RAB19: variants seen among roughly 807,000 people sequenced by gnomAD.
RAB19 encodes ras-related protein Rab-19.
A neutral mutation model predicts 17.3 loss-of-function variants in RAB19; 21 were observed. The observed-to-expected ratio is 1.21, with a 90% CI of 0.86 to 1.74. The LOEUF (loss-of-function observed/expected upper bound fraction) is 1.74. Among genes scored for constraint, RAB19 ranks in the 40% most tolerant of loss-of-function variants. The pLI, the probability that RAB19 is intolerant of heterozygous loss-of-function variation, is 0.00. For missense variants in RAB19, 277 were observed against 286.8 expected (o/e 0.97, Z 0.25); for synonymous variants, 126 against 110.4 (o/e 1.14, Z -0.88).
intron 3 of RAB19, among the ~76,000 whole-genome samples, chr7:140,412,503 G>A (rs1454087175): frequency 2.0e-5 from 3 of 151,666 alleles, no homozygotes; most frequent in African/African-American, 7.3e-5. Context: ...GTGCCTTTAA[G>A]CTGGATGCCA....
intron 3 of RAB19, among the ~76,000 whole-genome samples, chr7:140,424,617 CTCTATA>C (rs1404075029): frequency 4.1e-3 from 302 of 73,066 alleles, no homozygotes; most frequent in African/African-American, 6.3e-3. Flanking sequence ...CTCTCTCTCT[CTCTATA>C]TATATATATA....
At chr7:140,412,427 G>A (rs1050970214) in intron 3 of RAB19, among the ~76,000 whole-genome samples, 5 of 152,076 alleles carry the variant, frequency 3.3e-5, no homozygotes, top group Non-Finnish European at 5.9e-5. Flanking sequence ...ACTCCAGCCC[G>A]GGTGACAGAG....
At chr7:140,422,878 C>T (rs1827181982) in intron 3 of RAB19, among the ~76,000 whole-genome samples, 1 of 152,082 alleles carries the variant, frequency 6.6e-6, no homozygotes, top group African/African-American at 2.4e-5. Flanking sequence ...GAGGCCAAGG[C>T]GGGTGGATCA....
At chr7:140,421,827 T>G (rs1799567649) in intron 3 of RAB19, among the ~76,000 whole-genome samples, 1 of 152,206 alleles carries the variant, frequency 6.6e-6, no homozygotes, top group African/African-American at 2.4e-5. Context: ...TGTATTGTGA[T>G]GAACAGACAC....
chr7:140,419,996 T>C (rs1425016023), intron 3 of RAB19, among the ~76,000 whole-genome samples: 1 of 152,206 alleles, frequency 6.6e-6, no homozygotes, highest in Admixed American at 6.6e-5. Flanking sequence ...TTCTTGTCAA[T>C]TCCTAACAGT....
At chr7:140,407,880 CTTTTTTTTTTTTTTTTT>C in intron 2 of RAB19, 33 bp downstream of exon 2, 1 of 637,324 alleles carries the variant, frequency 1.6e-6, no homozygotes, top group Admixed American at 3.5e-5. Flanking sequence ...CTGGTTCCAC[CTTTTTTTTTTTTTTTTT>C]TTTTTTTTTC....
At chr7:140,414,338 G>C (rs912605385) in intron 3 of RAB19, among the ~76,000 whole-genome samples, 1 of 151,940 alleles carries the variant, frequency 6.6e-6, no homozygotes, top group Non-Finnish European at 1.5e-5. Flanking sequence ...CACCACCCCC[G>C]GCCCCTCTGT....
chr7:140,407,684 AC>A lies in RAB19; in HGVS notation c.39del (p.Phe14LeufsTer53). 6.2e-7 allele frequency: 1 copy of A among 1,614,062 alleles called. No homozygotes were observed. Among genetic ancestry groups the A allele is most frequent in the South Asian group, 1.1e-5 (1 of 91,070 alleles). ...FSSSARAADE[N>X]FDYLFKIILI... Reference sequence around the variant, plus strand: ...AGCTCAGCCAGGGCAGCAGATGAGAACTTTGACTATTTGTTCAAGATTATCC... The same window carrying A: ...AGCTCAGCCAGGGCAGCAGATGAGAATTTGACTATTTGTTCAAGATTATCC... On this transcript the variant is annotated frameshift_variant, in exon 2 of 4. Transcript: ENST00000537763. LOFTEE classifies it high-confidence loss of function.
Position 140,426,789 on chromosome 7 carries a change from C to G in RAB19, c.*639C>G, listed in dbSNP as rs1340240486. Among the ~76,000 whole-genome samples, 1 of 151,316 alleles carries G rather than the reference C, an allele frequency of 6.6e-6. No homozygotes were observed. Among genetic ancestry groups the G allele is most frequent in the East Asian group, 1.9e-4 (1 of 5,154 alleles). ...ATTCACTCTATTCTAGCAGGGCTGACTTGGCCACCCTCTTGGGATAGGGGA... is the reference window on the plus strand; with the variant it reads ...ATTCACTCTATTCTAGCAGGGCTGAGTTGGCCACCCTCTTGGGATAGGGGA... On this transcript the variant is annotated 3_prime_UTR_variant, in exon 4 of 4. Coordinates refer to ENST00000537763, the MANE Select transcript of RAB19 (RefSeq NM_001008749.3).
chr7:140,411,954 C>A lies in RAB19; in HGVS notation c.282C>A (p.Ile94=), dbSNP rs762870899. The A allele has an allele frequency of 6.2e-7, 1 of 1,614,238 alleles. No individual in the cohort carries two copies. The highest frequency in any genetic ancestry group is 2.2e-5 in the East Asian group (1 of 44,884). Residue 94 remains isoleucine, a synonymous_variant, in exon 3 of 4, where the codon ATC becomes ATA. Coordinates refer to ENST00000537763, the MANE Select transcript of RAB19 (RefSeq NM_001008749.3). The part of the protein sequence containing the change: ...QSYYRSAHAA[I]IAYDLTRRST... Reference sequence around the variant, plus strand: ...ACTACCGCAGTGCCCACGCAGCCATCATCGCCTATGACCTCACCCGGCGGT... The same window carrying A: ...ACTACCGCAGTGCCCACGCAGCCATAATCGCCTATGACCTCACCCGGCGGT...
intron 3 of RAB19, among the ~76,000 whole-genome samples, chr7:140,423,556 A>C (rs2130163192): frequency 6.6e-6 from 1 of 152,354 alleles, no homozygotes; most frequent in South Asian, 2.1e-4. Context: ...ACTTGAATGG[A>C]TCTCAGAGGA....
intron 1 of RAB19, among the ~76,000 whole-genome samples, chr7:140,406,315 CAGTT>C (rs1331963058): frequency 2.0e-5 from 3 of 147,482 alleles, no homozygotes; most frequent in African/African-American, 5.0e-5. Context: ...TTCTGATAAT[CAGTT>C]AGTTTGTGAA....
At position 140,426,443 on chromosome 7, in the gene RAB19, CT is replaced by C. The variant is rs1234393006; in HGVS notation, c.*297del. On this transcript the variant is annotated 3_prime_UTR_variant, in exon 4 of 4. Transcript: ENST00000537763. ...CGAAGTGTACTCTTCTCCCCTTTCA[CT>C]TTTCTGTCTCCCTAGAGCTTCTGCT... 1.3e-5 allele frequency among the ~76,000 whole-genome samples: 2 copies of C among 152,310 alleles called. No individual in the cohort carries two copies. Among genetic ancestry groups the C allele is most frequent in the East Asian group, 3.9e-4 (2 of 5,178 alleles).
At chr7:140,405,936 C>T (rs150739134) in intron 1 of RAB19, among the ~76,000 whole-genome samples, 1,623 of 152,094 alleles carry the variant, frequency 0.011, 12 homozygotes, top group Middle Eastern at 0.017. Context: ...TTGTGAAACA[C>T]TGTCATTAAA....
chr7:140,409,516 G>A (rs1329510570), intron 2 of RAB19, among the ~76,000 whole-genome samples: 2 of 151,842 alleles, frequency 1.3e-5, no homozygotes, highest in Admixed American at 6.6e-5. Flanking sequence ...CCAACGGGGG[G>A]AAACCCCATC....
At chr7:140,407,926 G>T (rs1017025212) in intron 2 of RAB19, 79 bp downstream of exon 2, 1 of 1,068,162 alleles carries the variant, frequency 9.4e-7, no homozygotes, top group Non-Finnish European at 1.3e-6. Context: ...GGAGTCTCGC[G>T]CGATCTCGGC....
intron 2 of RAB19, among the ~76,000 whole-genome samples, chr7:140,411,298 G>C (rs989734895): frequency 1.6e-4 from 25 of 152,174 alleles, no homozygotes; most frequent in Non-Finnish European, 1.3e-4. Context: ...CACTCGGGAG[G>C]CTGAGGCAGG....
intron 3 of RAB19, 70 bp from the exon 4 acceptor site, chr7:140,425,812 T>C (rs1799655470): frequency 1.3e-6 from 2 of 1,505,456 alleles, no homozygotes; most frequent in African/African-American, 2.8e-5. Context: ...AAATGTTACT[T>C]GTAAAGTTCA....
At chr7:140,406,796 G>A (rs922510837) in intron 1 of RAB19, among the ~76,000 whole-genome samples, 1 of 151,984 alleles carries the variant, frequency 6.6e-6, no homozygotes, top group African/African-American at 2.4e-5. Context: ...GAACAAAAAG[G>A]TCATGTCACT....
Sources: allele counts gnomAD v4.1 joint callset (sites outside exome capture counted in the v4.1 genomes callset), GRCh38; gene constraint gnomAD v4.1.1; transcripts MANE v1.5; gene names NCBI Gene and HGNC (gene_info 2026-07-23, HGNC 2026-07-21).